The following DGKB variants were observed in gnomAD, a reference collection of about 807,000 sequenced individuals.
DGKB encodes diacylglycerol kinase beta.
In DGKB, 67 loss-of-function variants were observed where a neutral mutation model predicts 114.3. That is an observed-to-expected ratio of 0.59 (90% CI 0.48 to 0.72). The LOEUF is 0.72. DGKB is among the 30% of genes least tolerant of loss of function. The probability of loss-of-function intolerance (pLI) is 0.00; values close to 1 mark genes in which losing one functional copy is unlikely to be tolerated. For missense variants in DGKB, 907 were observed against 975.2 expected (o/e 0.93, Z 0.93); for synonymous variants, 398 against 323.1 (o/e 1.23, Z -2.49).
intron 20 of DGKB, among the ~76,000 whole-genome samples, chr7:14,535,378 G>GAAAAAA (rs111762380): frequency 8.1e-6 from 1 of 123,590 alleles, no homozygotes; most frequent in African/African-American, 2.9e-5. Flanking sequence ...CTTAAAAAAA[G>GAAAAAA]AAAAAAAAAA....
intron 20 of DGKB, among the ~76,000 whole-genome samples, chr7:14,567,527 T>C (rs1273256052): frequency 1.1e-5 from 1 of 95,042 alleles, no homozygotes; most frequent in African/African-American, 4.0e-5. Context: ...TTATATATTA[T>C]AATTATATAT....
intron 20 of DGKB, among the ~76,000 whole-genome samples, chr7:14,478,927 T>C (rs1409283673): frequency 6.6e-6 from 1 of 152,068 alleles, no homozygotes; most frequent in Non-Finnish European, 1.5e-5. Flanking sequence ...TTTTAGCAAA[T>C]ACAGAATTTT....
At chr7:14,154,613 C>T (rs1054221466) in intron 25 of DGKB, among the ~76,000 whole-genome samples, 17 of 151,528 alleles carry the variant, frequency 1.1e-4, no homozygotes, top group Admixed American at 3.3e-4. Flanking sequence ...GAGGTAAATA[C>T]AGTAATGTAA....
chr7:14,539,584 A>T (rs1189039729), intron 20 of DGKB, among the ~76,000 whole-genome samples: 8 of 152,134 alleles, frequency 5.3e-5, no homozygotes, highest in Non-Finnish European at 2.9e-5. Context: ...AAGTTAAGCA[A>T]GGGTTTTTAA....
chr7:14,471,471 GAAT>G (rs1279149228), intron 21 of DGKB, among the ~76,000 whole-genome samples: 17 of 145,940 alleles, frequency 1.2e-4, no homozygotes, highest in African/African-American at 3.0e-4. Context: ...AACACATAAA[GAAT>G]AATAATTTGA....
At chr7:14,389,649 A>G (rs1355035237) in intron 21 of DGKB, among the ~76,000 whole-genome samples, 1 of 152,250 alleles carries the variant, frequency 6.6e-6, no homozygotes, top group African/African-American at 2.4e-5. Flanking sequence ...AGCGAAATCA[A>G]TCAAAAACCT....
At chr7:14,377,724 C>T (rs1317584935) in intron 21 of DGKB, among the ~76,000 whole-genome samples, 1 of 152,108 alleles carries the variant, frequency 6.6e-6, no homozygotes, top group Admixed American at 6.6e-5. Flanking sequence ...CTGACTGATC[C>T]CCATTGCTCA....
chr7:14,758,920 G>GAT (rs1341234996), intron 2 of DGKB, among the ~76,000 whole-genome samples: 1 of 131,760 alleles, frequency 7.6e-6, no homozygotes, highest in East Asian at 2.2e-4. Flanking sequence ...TAGATAGATA[G>GAT]ATAGATAGAT....
intron 1 of DGKB, among the ~76,000 whole-genome samples, chr7:14,900,319 A>AT (rs1387747199): frequency 2.6e-4 from 39 of 152,146 alleles, no homozygotes; most frequent in African/African-American, 8.9e-4. Flanking sequence ...CTTCTTCACT[A>AT]TTTTTCCTGG....
At chr7:14,620,740 A>G (rs1807472942) in intron 15 of DGKB, among the ~76,000 whole-genome samples, 1 of 151,818 alleles carries the variant, frequency 6.6e-6, no homozygotes, top group Non-Finnish European at 1.5e-5. Flanking sequence ...TTCACCCCAT[A>G]CAATGTCTTA....
At chr7:14,915,025 T>C (rs187579778) in intron 1 of DGKB, among the ~76,000 whole-genome samples, 88 of 151,936 alleles carry the variant, frequency 5.8e-4, no homozygotes, top group African/African-American at 2.1e-3. Flanking sequence ...TAACCAAGAA[T>C]TATGGGACAA....
chr7:14,484,033 G>GA (rs1554466003), intron 20 of DGKB, among the ~76,000 whole-genome samples: 2 of 141,230 alleles, frequency 1.4e-5, no homozygotes, highest in African/African-American at 5.1e-5. Flanking sequence ...TTCATGTAGG[G>GA]TTTTTTTTTT....
At chr7:14,391,933 T>C (rs62444605) in intron 21 of DGKB, among the ~76,000 whole-genome samples, 1 of 152,182 alleles carries the variant, frequency 6.6e-6, no homozygotes, top group Non-Finnish European at 1.5e-5. Flanking sequence ...ATTTGCAAAA[T>C]TGAGTTGATT....
chr7:14,961,072 T>G (rs1346613081), intron 1 of DGKB, among the ~76,000 whole-genome samples: 1 of 151,648 alleles, frequency 6.6e-6, no homozygotes, highest in Non-Finnish European at 1.5e-5. Context: ...AGAAAAAGCA[T>G]ACAAATCTAT....
At chr7:14,679,421 G>C (rs1456137039) in intron 12 of DGKB, among the ~76,000 whole-genome samples, 1 of 151,934 alleles carries the variant, frequency 6.6e-6, no homozygotes, top group African/African-American at 2.4e-5. Context: ...GCCCAAGATG[G>C]CACAACTAGT....
chr7:14,446,700 G>T (rs1387917467), intron 21 of DGKB, among the ~76,000 whole-genome samples: 1 of 152,100 alleles, frequency 6.6e-6, no homozygotes, highest in Non-Finnish European at 1.5e-5. Context: ...AGTGTTTAAA[G>T]TACCTGGTAC....
At chr7:14,498,399 G>T (rs1253741432) in intron 20 of DGKB, among the ~76,000 whole-genome samples, 1 of 151,586 alleles carries the variant, frequency 6.6e-6, no homozygotes, top group African/African-American at 2.4e-5. Context: ...AAATTTAAAA[G>T]GAAAATGGAA....
rs533430349 is a variant in DGKB, at chr7:14,307,151, G to A, written c.2122+31364C>T. 2.0e-5 allele frequency among the ~76,000 whole-genome samples: 3 copies of A among 152,038 alleles called. No individual in the cohort carries two copies. The East Asian group carries it at 5.8e-4, about 29-fold the overall frequency. ...ATATAATACTAGCACAATAATATTAGTAGACAATGGATAAATAATTGAGGG... is the reference window on the plus strand; with the variant it reads ...ATATAATACTAGCACAATAATATTAATAGACAATGGATAAATAATTGAGGG... On this transcript the variant is annotated intron_variant, in intron 23 of 25. Coordinates refer to ENST00000402815, the MANE Select transcript of DGKB (RefSeq NM_001350709.2).
chr7:14,244,700 C>T (rs1291486505), intron 23 of DGKB, among the ~76,000 whole-genome samples: 1 of 146,216 alleles, frequency 6.8e-6, no homozygotes, highest in Admixed American at 6.8e-5. Flanking sequence ...AAAAGGGGTG[C>T]CTTTGGGAGT....
Sources: gnomAD v4.1 joint callset for allele counts (sites outside exome capture counted in the v4.1 genomes callset) on GRCh38, gnomAD v4.1.1 for gene constraint, MANE v1.5 for transcripts, NCBI Gene and HGNC (gene_info 2026-07-23, HGNC 2026-07-21) for gene names.